Variants in ANKRD42 observed in about 807,000 individuals in gnomAD.
The protein encoded by ANKRD42 is ankyrin repeat domain 42.
ANKRD42 carries 43 observed loss-of-function variants against 51.5 expected under a neutral mutation model. The ratio of observed to expected loss-of-function variants is 0.83; its 90% confidence interval spans 0.65 to 1.08. ANKRD42 has a LOEUF of 1.08. Among genes scored for constraint, ANKRD42 ranks in the 50% least tolerant of loss-of-function variants. The pLI, the probability that ANKRD42 is intolerant of heterozygous loss-of-function variation, is 0.00. For missense variants in ANKRD42, 608 were observed against 629.3 expected (o/e 0.97, Z 0.36); for synonymous variants, 203 against 213.0 (o/e 0.95, Z 0.41).
chr11:83,225,753 C>G (rs1394440517), intron 6 of ANKRD42, among the ~76,000 whole-genome samples: 1 of 135,144 alleles, frequency 7.4e-6, no homozygotes, highest in Non-Finnish European at 1.5e-5. Flanking sequence ...GCACTCCATC[C>G]TGGGCAGCAA....
chr11:83,225,870 C>G (rs562263741), intron 6 of ANKRD42, among the ~76,000 whole-genome samples: 2 of 150,574 alleles, frequency 1.3e-5, no homozygotes, highest in East Asian at 3.9e-4. Context: ...TTTTCTTCCT[C>G]CTCAAGGGTA....
At position 83,248,797 on chromosome 11, in the gene ANKRD42, A is replaced by G. The variant is rs1161923583; in HGVS notation, c.*593A>G. ...TCTGACACTAAGTTCCACTCTCCAG[A>G]GGAAGCTATTGTTAACAATTTAGTA... On this transcript the variant is annotated 3_prime_UTR_variant, in exon 11 of 11. Coordinates refer to ENST00000533342, the MANE Select transcript of ANKRD42 (RefSeq NM_001300975.2). 2.3e-5 allele frequency: 22 copies of G among 977,138 alleles called. No homozygotes were observed. The South Asian group carries it at 8.1e-4, about 36-fold the overall frequency. The allele number at this position is 977,138 out of a possible 1,614,324, so 60.5% of individuals were successfully genotyped here.
chr11:83,195,337 A>G (rs149121273), intron 1 of ANKRD42, among the ~76,000 whole-genome samples: 21 of 152,358 alleles, frequency 1.4e-4, no homozygotes, highest in Non-Finnish European at 2.4e-4. Context: ...TGAGGAAGAT[A>G]AATGCTGAGC....
intron 11 of ANKRD42, among the ~76,000 whole-genome samples, chr11:83,254,613 C>A (rs947589869): frequency 6.6e-6 from 1 of 151,460 alleles, no homozygotes; most frequent in African/African-American, 2.4e-5. Flanking sequence ...GTATTTTTAG[C>A]GGAGATAGGG....
intron 6 of ANKRD42, 49 bp downstream of exon 6, chr11:83,225,104 G>GATGATA (rs1167937278): frequency 6.0e-6 from 9 of 1,497,560 alleles, no homozygotes; most frequent in Non-Finnish European, 8.3e-6. Context: ...TGATGATGAT[G>GATGATA]ATGATAATAT....
intron 5 of ANKRD42, among the ~76,000 whole-genome samples, chr11:83,222,114 T>G (rs543102344): frequency 6.6e-6 from 1 of 152,138 alleles, no homozygotes; most frequent in East Asian, 1.9e-4. Context: ...CTGCTCTGAG[T>G]TTTTTCACTT....
chr11:83,219,669 C>A (rs1027188434), intron 5 of ANKRD42, among the ~76,000 whole-genome samples: 2 of 152,216 alleles, frequency 1.3e-5, no homozygotes, highest in Non-Finnish European at 2.9e-5. Context: ...GTCGAAACAA[C>A]AATTCAATGG....
rs1409409393 is a variant in ANKRD42 at position 83,240,742 on chromosome 11, T to C, written c.1020-17T>C. 1.2e-6 allele frequency: 2 copies of C among 1,613,070 alleles called. No individual in the cohort carries two copies. The highest frequency in any genetic ancestry group is 1.3e-5 in the African/African-American group (1 of 74,880). On this transcript the variant is annotated splice_polypyrimidine_tract_variant and intron_variant, in intron 8 of 10. Coordinates refer to ENST00000533342, the MANE Select transcript of ANKRD42 (RefSeq NM_001300975.2). The stretch of plus-strand genomic sequence containing the variant: ...AGAAGATTGTGGATCTGGTTAGTTA[T>C]TGATTCTTTTCTACAGGTTTGCCCA...
rs747771305 is a variant in ANKRD42, at chr11:83,194,738, A to ACTGT, written c.58+12_58+15dup. Reference sequence around the variant, plus strand: ...GAGACTGCAAACCCCTGTGAGTCAGACTGTCATTGGCCTTCATCTCTGTCG... The same window carrying ACTGT: ...GAGACTGCAAACCCCTGTGAGTCAGACTGTCTGTCATTGGCCTTCATCTCTGTCG... On this transcript the variant is annotated intron_variant, in intron 1 of 10. Transcript: ENST00000533342. The ACTGT allele has an allele frequency of 3.8e-6, 6 of 1,577,880 alleles. No individual in the cohort carries two copies. Among genetic ancestry groups the ACTGT allele is most frequent in the Admixed American group, 1.9e-5 (1 of 53,598 alleles).
intron 6 of ANKRD42, among the ~76,000 whole-genome samples, chr11:83,226,227 A>G (rs1192168743): frequency 6.6e-6 from 1 of 150,606 alleles, no homozygotes; most frequent in African/African-American, 2.4e-5. Flanking sequence ...ACACACACAC[A>G]TACACACACA....
chr11:83,238,765 G>A (rs970949480), intron 8 of ANKRD42, among the ~76,000 whole-genome samples: 3 of 152,002 alleles, frequency 2.0e-5, no homozygotes, highest in African/African-American at 7.2e-5. Flanking sequence ...GGGAGGTGGA[G>A]GTTGCTGTGA....
At chr11:83,245,958 C>T (rs866819359) in intron 10 of ANKRD42, among the ~76,000 whole-genome samples, 1 of 152,170 alleles carries the variant, frequency 6.6e-6, no homozygotes, top group Non-Finnish European at 1.5e-5. Context: ...GCTACACTGC[C>T]CATTCATAAA....
chr11:83,243,967 C>CA (rs1863466375), intron 9 of ANKRD42, among the ~76,000 whole-genome samples: 1 of 66,950 alleles, frequency 1.5e-5, no homozygotes, highest in African/African-American at 6.6e-5. Flanking sequence ...CCTGGCTGCC[C>CA]TTTTTTTTTT....
chr11:83,244,411 ATAGATAAATCATTGG>A (rs1318796642), intron 9 of ANKRD42, among the ~76,000 whole-genome samples: 1 of 152,196 alleles, frequency 6.6e-6, no homozygotes, highest in Non-Finnish European at 1.5e-5. Flanking sequence ...TAACCTGTTG[ATAGATAAATCATTGG>A]TGTTAGGAAC....
chr11:83,261,508 T>C (rs978384048), downstream of ANKRD42: 1 of 154,642 alleles, frequency 6.5e-6, no homozygotes, highest in Non-Finnish European at 1.4e-5. Context: ...GCAATGGTTA[T>C]CAGGAAAGTT....
At chr11:83,202,429 C>G (rs1159489604) in intron 2 of ANKRD42, among the ~76,000 whole-genome samples, 1 of 152,180 alleles carries the variant, frequency 6.6e-6, no homozygotes, top group Non-Finnish European at 1.5e-5. Flanking sequence ...AGCATGATGC[C>G]TCCAGCTTTG....
Position 83,225,010 on chromosome 11 carries a change from A to C in ANKRD42, c.742A>C (p.Ile248Leu). Reference protein sequence around the residue: ...RFFKQNILQFIQGAEYEGKDL... With the variant: ...RFFKQNILQFLQGAEYEGKDL... Reference sequence around the variant, plus strand: ...CTTCAAGCAGAACATTTTACAGTTTATCCAGGGGGCTGAGTATGAAGGAAA... The same window carrying C: ...CTTCAAGCAGAACATTTTACAGTTTCTCCAGGGGGCTGAGTATGAAGGAAA... The change falls in exon 6 of 11, where the codon ATC becomes CTC. Residue 248 changes from isoleucine (I) to leucine (L), a missense_variant. Coordinates refer to ENST00000533342, the MANE Select transcript of ANKRD42 (RefSeq NM_001300975.2). 6.2e-7 allele frequency: 1 copy of C among 1,613,206 alleles called. No individual in the cohort carries two copies. Among genetic ancestry groups the C allele is most frequent in the Non-Finnish European group, 8.5e-7 (1 of 1,179,382 alleles).
downstream of ANKRD42, chr11:83,262,000 T>C (rs1863954473): frequency 6.9e-7 from 1 of 1,456,096 alleles, no homozygotes; most frequent in Non-Finnish European, 9.5e-7. Context: ...ATAGGTCTTG[T>C]ATCTGTAATT....
At chr11:83,213,442 TA>T in intron 5 of ANKRD42, 1 of 1,458,144 alleles carries the variant, frequency 6.9e-7, no homozygotes, top group Non-Finnish European at 9.1e-7. Flanking sequence ...AATAAAACTG[TA>T]AAAACTGCAA....
Sources: gnomAD v4.1 joint callset for allele counts (sites outside exome capture counted in the v4.1 genomes callset) on GRCh38, gnomAD v4.1.1 for gene constraint, MANE v1.5 for transcripts, NCBI Gene and HGNC (gene_info 2026-07-23, HGNC 2026-07-21) for gene names.